Variants in METTL24 observed in about 807,000 individuals in gnomAD.
The protein encoded by METTL24 is probable methyltransferase-like protein 24.
METTL24 carries 29 observed loss-of-function variants against 32.7 expected under a neutral mutation model. That is an observed-to-expected ratio of 0.89 (90% CI 0.66 to 1.21). The LOEUF (loss-of-function observed/expected upper bound fraction) is 1.21, where lower values mean the gene tolerates loss of function less well. Among genes scored for constraint, METTL24 ranks in the 50% most tolerant of loss-of-function variants. METTL24 has a pLI of 0.00. For synonymous variants in METTL24, 163 were observed against 179.5 expected (o/e 0.91, Z 0.73); for missense variants, 439 against 468.1 (o/e 0.94, Z 0.57).
At chr6:110,347,446 T>A (rs1005871953) in intron 1 of METTL24, among the ~76,000 whole-genome samples, 8 of 152,232 alleles carry the variant, frequency 5.3e-5, no homozygotes, top group African/African-American at 1.9e-4. Flanking sequence ...TAAAACCATG[T>A]GCAACACTGA....
In METTL24 at chr6:110,358,264, C is replaced by A; in HGVS notation, c.9G>T (p.Arg3=). The change falls in exon 1 of 5, where the codon CGG becomes CGT. Residue 3 remains arginine, a synonymous_variant. Transcript: ENST00000338882. ...CGCAGCCCCTCCCGGGCGGCCTCTCCCGGGCCATGGCGCTACACTCGGGGT... is the reference window on the plus strand; with the variant it reads ...CGCAGCCCCTCCCGGGCGGCCTCTCACGGGCCATGGCGCTACACTCGGGGT... MA[R]ERPPGRGCGV... is the part of the protein sequence containing the mutation. 1 of 1,476,702 alleles carries A rather than the reference C, an allele frequency of 6.8e-7. No homozygotes were observed. The allele number at this position is 1,476,702 out of a possible 1,614,324, so 91.5% of individuals were successfully genotyped here.
chr6:110,353,819 C>T (rs1772657151), intron 1 of METTL24, among the ~76,000 whole-genome samples: 1 of 152,066 alleles, frequency 6.6e-6, no homozygotes, highest in African/African-American at 2.4e-5. Context: ...AGAGATAAAA[C>T]ATCCACCCAA....
chr6:110,257,450 G>A (rs575265695), intron 4 of METTL24, among the ~76,000 whole-genome samples: 1 of 152,162 alleles, frequency 6.6e-6, no homozygotes, highest in Admixed American at 6.5e-5. Flanking sequence ...CATTTCAAGT[G>A]CTCAATAGCC....
intron 4 of METTL24, among the ~76,000 whole-genome samples, chr6:110,253,338 C>T (rs1291152275): frequency 2.6e-5 from 4 of 152,184 alleles, no homozygotes; most frequent in Middle Eastern, 3.2e-3. Flanking sequence ...CTTCCCAAAA[C>T]TCTGCCCCAC....
At chr6:110,312,324 A>G (rs1771737327) in intron 3 of METTL24, among the ~76,000 whole-genome samples, 1 of 152,220 alleles carries the variant, frequency 6.6e-6, no homozygotes, top group African/African-American at 2.4e-5. Context: ...TAGGACTACC[A>G]TACAATTCAG....
At chr6:110,270,576 A>T (rs1320438074) in intron 4 of METTL24, among the ~76,000 whole-genome samples, 2 of 152,146 alleles carry the variant, frequency 1.3e-5, no homozygotes, top group African/African-American at 4.8e-5. Context: ...GAGAGCTCTG[A>T]ATTTAGTTAC....
intron 4 of METTL24, among the ~76,000 whole-genome samples, chr6:110,269,455 G>C (rs1426051375): frequency 1.3e-5 from 2 of 152,118 alleles, no homozygotes; most frequent in Non-Finnish European, 2.9e-5. Context: ...ACTGCAAACA[G>C]CCTAAGCTCC....
intron 4 of METTL24, among the ~76,000 whole-genome samples, chr6:110,267,201 C>T (rs1446866570): frequency 6.6e-6 from 1 of 152,064 alleles, no homozygotes; most frequent in Non-Finnish European, 1.5e-5. Context: ...ATATACAAGG[C>T]CCAGCCCAAG....
chr6:110,298,484 A>G (rs914943890), intron 4 of METTL24, among the ~76,000 whole-genome samples: 11 of 152,018 alleles, frequency 7.2e-5, no homozygotes, highest in Non-Finnish European at 1.5e-4. Context: ...CGTTCAAAAT[A>G]GTGAGAAACA....
chr6:110,247,133 A>G (rs939849344), intron 4 of METTL24, among the ~76,000 whole-genome samples: 1 of 152,194 alleles, frequency 6.6e-6, no homozygotes, highest in Admixed American at 6.5e-5. Context: ...CCAGAACCCT[A>G]AACACAATGA....
Position 110,272,848 on chromosome 6 carries a change from T to C in METTL24, c.786+26074A>G, listed in dbSNP as rs562508273. 2.0e-5 allele frequency among the ~76,000 whole-genome samples: 3 copies of C among 152,316 alleles called. No individual in the cohort carries two copies. The South Asian group carries it at 6.2e-4, about 32-fold the overall frequency. On this transcript the variant is annotated intron_variant, in intron 4 of 4. Transcript: ENST00000338882. ...TTTCCTTGCTGATTTGAGTTCCTTG[T>C]AGATTCTGGATGTTAGTCCTTTGTT...
rs1562237235 is a variant in METTL24 at position 110,322,884 on chromosome 6, A to G, written c.319-12T>C. On this transcript the variant is annotated splice_polypyrimidine_tract_variant and intron_variant, in intron 1 of 4. Transcript: ENST00000338882. ...TGCCACCGGGGACCCTGCAAGAGAC[A>G]GAAAACATAGGTTGTGTGTAAGGAA... 1 of 1,583,554 alleles carries G rather than the reference A, an allele frequency of 6.3e-7. No homozygotes were observed. The highest frequency in any genetic ancestry group is 8.6e-7 in the Non-Finnish European group (1 of 1,168,642).
At chr6:110,283,724 T>C (rs1423052333) in intron 4 of METTL24, among the ~76,000 whole-genome samples, 1 of 152,210 alleles carries the variant, frequency 6.6e-6, no homozygotes, top group Non-Finnish European at 1.5e-5. Context: ...GACTTGTTTA[T>C]GGGAGTGTAA....
chr6:110,351,374 T>C (rs1404332747), intron 1 of METTL24, among the ~76,000 whole-genome samples: 1 of 152,176 alleles, frequency 6.6e-6, no homozygotes, highest in Non-Finnish European at 1.5e-5. Context: ...AATAAGGCTA[T>C]CTATAAGACT....
In METTL24 at chr6:110,307,339, G is replaced by T. The variant is rs995223552; in HGVS notation, c.557+8003C>A. Among the ~76,000 whole-genome samples the T allele has an allele frequency of 4.6e-5, 7 of 152,286 alleles. 1 individual carries two copies. Among genetic ancestry groups the T allele is most frequent in the East Asian group, 3.9e-4 (2 of 5,182 alleles). ...GACAACCATTATTTATAGCAAAAAT[G>T]TATTTAGTCTATAAGGAAATCATGT... On this transcript the variant is annotated intron_variant, in intron 3 of 4. Transcript: ENST00000338882.
intron 2 of METTL24, among the ~76,000 whole-genome samples, chr6:110,321,552 C>T (rs1036478004): frequency 2.0e-5 from 3 of 152,268 alleles, no homozygotes; most frequent in Non-Finnish European, 4.4e-5. Context: ...AGATTCTTAT[C>T]GTTCATGTAA....
chr6:110,348,429 C>T (rs1411431115), intron 1 of METTL24, among the ~76,000 whole-genome samples: 1 of 152,236 alleles, frequency 6.6e-6, no homozygotes, highest in African/African-American at 2.4e-5. Flanking sequence ...ATTACTTTCA[C>T]TGACTTCTCC....
At chr6:110,326,674 A>G (rs1056317991) in intron 1 of METTL24, among the ~76,000 whole-genome samples, 1 of 152,218 alleles carries the variant, frequency 6.6e-6, no homozygotes, top group Non-Finnish European at 1.5e-5. Flanking sequence ...AAGAATAAAT[A>G]ATGCAATACC....
At chr6:110,279,995 C>G (rs1367494710) in intron 4 of METTL24, among the ~76,000 whole-genome samples, 1 of 152,046 alleles carries the variant, frequency 6.6e-6, no homozygotes, top group Admixed American at 6.6e-5. Context: ...TGTCACATGG[C>G]CAGAGCAGGC....
Sources: allele counts gnomAD v4.1 joint callset (sites outside exome capture counted in the v4.1 genomes callset), GRCh38; gene constraint gnomAD v4.1.1; transcripts MANE v1.5; gene names NCBI Gene and HGNC (gene_info 2026-07-23, HGNC 2026-07-21).